The following SLC25A48 variants were observed in gnomAD, a reference collection of about 807,000 sequenced individuals.
SLC25A48 encodes solute carrier family 25 member 48, also known as CTC-321K16.1.
A neutral mutation model predicts 32.2 loss-of-function variants in SLC25A48; 29 were observed. That is an observed-to-expected ratio of 0.90 (90% CI 0.67 to 1.23). The LOEUF (loss-of-function observed/expected upper bound fraction) is 1.23. Ranked by LOEUF, SLC25A48 falls within the 50% of genes most tolerant of loss-of-function variation. The pLI is 0.00. For missense variants in SLC25A48, 399 were observed against 422.7 expected (o/e 0.94, Z 0.49); for synonymous variants, 164 against 172.3 (o/e 0.95, Z 0.38).
intron 7 of SLC25A48, among the ~76,000 whole-genome samples, chr5:135,881,963 G>GC: frequency 6.6e-6 from 1 of 152,208 alleles, no homozygotes; most frequent in Admixed American, 6.5e-5. Flanking sequence ...GTGGCTGGAT[G>GC]CCTGCCCAAC....
At chr5:135,843,208 AG>A (rs924154326) in intron 2 of SLC25A48, among the ~76,000 whole-genome samples, 13 of 152,306 alleles carry the variant, frequency 8.5e-5, no homozygotes, top group African/African-American at 3.1e-4. Flanking sequence ...ATCCCAATGC[AG>A]GGGGATGGCA....
Position 135,871,579 on chromosome 5 carries a change from G to A in SLC25A48, c.540G>A (p.Gly180=). 1.2e-6 allele frequency: 2 copies of A among 1,614,178 alleles called. No individual in the cohort carries two copies. The highest frequency in any genetic ancestry group is 1.7e-6 in the Non-Finnish European group (2 of 1,180,024). The change falls in exon 5 of 8, where the codon GGG becomes GGA. Residue 180 remains glycine (G), a synonymous_variant. Transcript: ENST00000681962. ...RNEGLAGLYR[G]ASAMLLRDVP... The stretch of plus-strand genomic sequence containing the variant: ...AGGGCCTGGCGGGGCTATACCGGGG[G>A]GCCAGTGCCATGCTGCTGAGGGATG...
chr5:135,707,437 C>T (rs915612455), intron 3 of SLC25A48, among the ~76,000 whole-genome samples: 10 of 152,186 alleles, frequency 6.6e-5, no homozygotes, highest in Non-Finnish European at 1.0e-4. Flanking sequence ...CCAGATCCCT[C>T]CCTGAGTTAG....
intron 3 of SLC25A48, among the ~76,000 whole-genome samples, chr5:135,852,293 C>T (rs1434576033): frequency 6.6e-6 from 1 of 152,210 alleles, no homozygotes; most frequent in Non-Finnish European, 1.5e-5. Context: ...ATCACTGCCC[C>T]TCCCGGCGCA....
At chr5:135,838,271 A>G (rs1054323008) in intron 1 of SLC25A48, among the ~76,000 whole-genome samples, 2 of 152,258 alleles carry the variant, frequency 1.3e-5, no homozygotes, top group African/African-American at 4.8e-5. Flanking sequence ...TCAAGATGTG[A>G]TTTTGGTGCT....
At chr5:135,812,420 A>G (rs1244457801) in intron 3 of SLC25A48, 4 of 152,164 alleles carry the variant, frequency 2.6e-5, no homozygotes, top group Admixed American at 1.3e-4. Flanking sequence ...TAATTTATAG[A>G]CAAACTGTAG....
In SLC25A48 at chr5:135,851,850, C is replaced by T. The variant is rs118152038; in HGVS notation, c.163-713C>T. Among the ~76,000 whole-genome samples, 64 of 152,238 alleles carry T rather than the reference C, an allele frequency of 4.2e-4. 1 individual carries two copies. In the East Asian group the frequency reaches 0.01, roughly 24 times the overall value. ...AATGCCGTGTGGAAGGGACCGAACCCGGCCTGCAGCACCCCCTCCTCAGCC... is the reference window on the plus strand; with the variant it reads ...AATGCCGTGTGGAAGGGACCGAACCTGGCCTGCAGCACCCCCTCCTCAGCC... On this transcript the variant is annotated intron_variant, in intron 3 of 7. Transcript: ENST00000681962.
intron 3 of SLC25A48, among the ~76,000 whole-genome samples, chr5:135,728,569 G>A (rs1008342772): frequency 1.3e-5 from 2 of 151,982 alleles, no homozygotes; most frequent in Non-Finnish European, 2.9e-5. Context: ...TTTCTTGTTT[G>A]TGTATTTAAT....
Position 135,834,833 on chromosome 5 carries a change from G to C in SLC25A48, c.-15G>C. On this transcript the variant is annotated 5_prime_UTR_variant, in exon 1 of 8. Coordinates refer to ENST00000681962, the MANE Select transcript of SLC25A48 (RefSeq NM_001349336.2). The stretch of plus-strand genomic sequence containing the variant: ...CACTGCCCCGGCTCCGGGAGGGCGA[G>C]ACCGAGCGCCGGCCATGGGAAGCTT... 6.3e-7 allele frequency: 1 copy of C among 1,590,510 alleles called. No individual in the cohort carries two copies.
At chr5:135,703,264 T>C (rs2126967958) in intron 3 of SLC25A48, among the ~76,000 whole-genome samples, 1 of 152,276 alleles carries the variant, frequency 6.6e-6, no homozygotes, top group East Asian at 1.9e-4. Context: ...AAGGCAAACC[T>C]GAAATGTTCA....
chr5:135,786,888 C>T (rs888675809), intron 3 of SLC25A48, among the ~76,000 whole-genome samples: 1 of 151,972 alleles, frequency 6.6e-6, no homozygotes, highest in African/African-American at 2.4e-5. Flanking sequence ...CTCTTAATGT[C>T]ACAGTAGGTG....
intron 1 of SLC25A48, among the ~76,000 whole-genome samples, chr5:135,597,223 T>C (rs908537146): frequency 6.6e-6 from 1 of 152,172 alleles, no homozygotes; most frequent in Non-Finnish European, 1.5e-5. Flanking sequence ...TCAGACTGGA[T>C]TCAATGCAGG....
intron 3 of SLC25A48, among the ~76,000 whole-genome samples, chr5:135,734,653 A>C (rs2126994848): frequency 6.6e-6 from 1 of 151,986 alleles, no homozygotes; most frequent in Admixed American, 6.5e-5. Context: ...GTCTCTACTA[A>C]AAATACAAAA....
At chr5:135,796,432 T>G (rs527713481) in intron 3 of SLC25A48, among the ~76,000 whole-genome samples, 107 of 150,462 alleles carry the variant, frequency 7.1e-4, no homozygotes, top group African/African-American at 2.5e-3. Flanking sequence ...TCACAATATC[T>G]AGGGGTGGAG....
chr5:135,781,200 C>T (rs1406216617), intron 3 of SLC25A48, among the ~76,000 whole-genome samples: 5 of 115,114 alleles, frequency 4.3e-5, no homozygotes, highest in East Asian at 4.4e-4. Context: ...ATATCACAGG[C>T]GATGTACACC....
At chr5:135,811,031 C>G (rs921864692) in intron 3 of SLC25A48, among the ~76,000 whole-genome samples, 16 of 152,166 alleles carry the variant, frequency 1.1e-4, no homozygotes, top group Non-Finnish European at 2.4e-4. Flanking sequence ...TGTAGGGGAA[C>G]TCGGGACTTC....
In SLC25A48 at chr5:135,665,901, G is replaced by A. The variant is rs1025072881; in HGVS notation, c.-521+30945G>A. On this transcript the variant is annotated intron_variant, in intron 3 of 10. Transcript: ENST00000646290. Reference sequence around the variant, plus strand: ...GTCCCACACTTTGGCCTTCTCATGGGACCTTTCATAGCTCTGCTCTGTAGA... The same window carrying A: ...GTCCCACACTTTGGCCTTCTCATGGAACCTTTCATAGCTCTGCTCTGTAGA... Among the ~76,000 whole-genome samples, 9 of 152,198 alleles carry A rather than the reference G, an allele frequency of 5.9e-5. No homozygotes were observed. The East Asian group carries it at 1.7e-3, about 29-fold the overall frequency.
intron 3 of SLC25A48, among the ~76,000 whole-genome samples, chr5:135,802,196 T>C (rs1472334293): frequency 6.6e-6 from 1 of 151,818 alleles, no homozygotes; most frequent in Non-Finnish European, 1.5e-5. Flanking sequence ...CCTGTTATAC[T>C]ATTCATTATA....
At chr5:135,878,079 G>A (rs917074452) in intron 6 of SLC25A48, among the ~76,000 whole-genome samples, 1 of 152,208 alleles carries the variant, frequency 6.6e-6, no homozygotes, top group Non-Finnish European at 1.5e-5. Flanking sequence ...AGTGAGGGGG[G>A]ACTCGGTCTG....
Sources: allele counts gnomAD v4.1 joint callset (sites outside exome capture counted in the v4.1 genomes callset), GRCh38; gene constraint gnomAD v4.1.1; transcripts MANE v1.5; gene names NCBI Gene and HGNC (gene_info 2026-07-23, HGNC 2026-07-21).